Variants in PRKCE observed in about 807,000 individuals in gnomAD.
PRKCE encodes the protein protein kinase C epsilon.
Under a neutral mutation model 85.4 loss-of-function variants are expected in PRKCE, and 16 were observed. The observed-to-expected ratio is 0.19, with a 90% CI of 0.13 to 0.28. PRKCE has a LOEUF of 0.28. Ranked by LOEUF, PRKCE falls within the 10% of genes least tolerant of loss-of-function variation. The pLI is 1.00. For missense variants in PRKCE, 573 were observed against 975.2 expected (o/e 0.59, Z 5.49); for synonymous variants, 388 against 371.5 (o/e 1.04, Z -0.51).
At chr2:45,931,817 G>C (rs532132852) in intron 2 of PRKCE, among the ~76,000 whole-genome samples, 1 of 151,920 alleles carries the variant, frequency 6.6e-6, no homozygotes, top group Non-Finnish European at 1.5e-5. Context: ...AGCGATTCTC[G>C]TGCCTCAGCC....
intron 11 of PRKCE, among the ~76,000 whole-genome samples, chr2:46,088,129 C>G (rs1669817907): frequency 6.6e-6 from 1 of 152,196 alleles, no homozygotes; most frequent in Non-Finnish European, 1.5e-5. Context: ...GTCACAGGCT[C>G]CACCTTACTC....
intron 10 of PRKCE, among the ~76,000 whole-genome samples, chr2:46,043,442 A>C (rs1383506460): frequency 3.3e-5 from 5 of 152,208 alleles, no homozygotes; most frequent in African/African-American, 9.7e-5. Flanking sequence ...TGAAATACCC[A>C]TTGATATCTT....
At chr2:45,754,005 TGAG>T (rs1683799957) in intron 1 of PRKCE, among the ~76,000 whole-genome samples, 1 of 152,242 alleles carries the variant, frequency 6.6e-6, no homozygotes, top group Non-Finnish European at 1.5e-5. Context: ...TGCAGTTGAA[TGAG>T]GAGATGAACA....
At chr2:45,717,282 C>G (rs1269011125) in intron 1 of PRKCE, among the ~76,000 whole-genome samples, 1 of 152,198 alleles carries the variant, frequency 6.6e-6, no homozygotes, top group Non-Finnish European at 1.5e-5. Flanking sequence ...TCTGTCAAGT[C>G]TGTTTGGACC....
rs993285811 is a variant in PRKCE at position 45,697,962 on chromosome 2, C to G, written c.348+45514C>G. 1 of 152,688 alleles carries G rather than the reference C, an allele frequency of 6.5e-6. No individual in the cohort carries two copies. Among genetic ancestry groups the G allele is most frequent in the Middle Eastern group, 3.4e-3 (1 of 294 alleles). The allele number at this position is 152,688 out of a possible 1,614,324, so 9.5% of individuals were successfully genotyped here. ...CTAGACAGGGTGAATGGAAAGCAGC[C>G]CTTTGACAGAAGAAAGACAGAGACC... On this transcript the variant is annotated intron_variant, in intron 1 of 14. Transcript: ENST00000306156. This position sits in a 1 kb window ranked among gnomAD's most constrained non-coding sequence, Gnocchi z 4.2.
intron 1 of PRKCE, among the ~76,000 whole-genome samples, chr2:45,666,595 A>G (rs917522920): frequency 6.6e-6 from 1 of 151,728 alleles, no homozygotes; most frequent in Admixed American, 6.6e-5. Context: ...CAGCCATCCA[A>G]ATCCCCTTCT....
chr2:45,836,274 T>A (rs988330696), intron 1 of PRKCE, among the ~76,000 whole-genome samples: 1 of 152,228 alleles, frequency 6.6e-6, no homozygotes, highest in Admixed American at 6.5e-5. Flanking sequence ...GCCCCTCCCC[T>A]TATTTTATGA....
At chr2:46,097,519 C>CAAAAAAAAAAAAAAA (rs66634467) in intron 11 of PRKCE, among the ~76,000 whole-genome samples, 9 of 94,118 alleles carry the variant, frequency 9.6e-5, no homozygotes, top group South Asian at 8.1e-4. Flanking sequence ...GACTCCGTCT[C>CAAAAAAAAAAAAAAA]AAAAAAAAAA....
chr2:46,156,143 A>G (rs1397776467), intron 13 of PRKCE, among the ~76,000 whole-genome samples: 4 of 150,018 alleles, frequency 2.7e-5, no homozygotes, highest in Non-Finnish European at 5.9e-5. Flanking sequence ...TTAGATAAAG[A>G]CCTTCTCTTC....
chr2:45,855,442 C>G (rs1297053734), intron 2 of PRKCE, among the ~76,000 whole-genome samples: 4 of 152,126 alleles, frequency 2.6e-5, no homozygotes, highest in Non-Finnish European at 5.9e-5. Flanking sequence ...GAATGAACCC[C>G]CAATTGTGTG....
chr2:46,141,680 TC>T (rs1276556293), intron 11 of PRKCE, among the ~76,000 whole-genome samples: 1 of 151,502 alleles, frequency 6.6e-6, no homozygotes, highest in Non-Finnish European at 1.5e-5. Context: ...TGCTGGATTT[TC>T]CCCCCTCTAT....
chr2:45,995,306 G>C (rs1014635859), intron 6 of PRKCE, among the ~76,000 whole-genome samples: 2 of 151,956 alleles, frequency 1.3e-5, no homozygotes, highest in Non-Finnish European at 1.5e-5. Context: ...GTTTGTTTTA[G>C]TTTGGGGAGG....
intron 1 of PRKCE, among the ~76,000 whole-genome samples, chr2:45,805,895 A>T (rs1307846959): frequency 6.6e-6 from 1 of 152,178 alleles, no homozygotes; most frequent in Non-Finnish European, 1.5e-5. Context: ...CACCGCACCC[A>T]GCCTACATTA....
chr2:45,904,079 T>G lies in PRKCE; in HGVS notation c.412+61016T>G, dbSNP rs558982624. On this transcript the variant is annotated intron_variant, in intron 2 of 14. Coordinates refer to ENST00000306156, the MANE Select transcript of PRKCE (RefSeq NM_005400.3). ...CTACCACACCCAGGTAATTTTTGTA[T>G]TTTTAGTAGAGACAGGGTTTTGCTA... Among the ~76,000 whole-genome samples the G allele has an allele frequency of 9.3e-4, 142 of 152,104 alleles. 4 individuals are homozygous for G. The South Asian group carries it at 0.028, about 30-fold the overall frequency.
chr2:46,021,591 A>G (rs1354499751), intron 10 of PRKCE, among the ~76,000 whole-genome samples: 1 of 152,108 alleles, frequency 6.6e-6, no homozygotes, highest in Non-Finnish European at 1.5e-5. Flanking sequence ...GATTAGAAAC[A>G]AGAACTTAAG....
Position 46,014,579 on chromosome 2 carries a change from A to G in PRKCE, c.1437+4062A>G, listed in dbSNP as rs571198758. Among the ~76,000 whole-genome samples the G allele has an allele frequency of 6.6e-5, 10 of 152,338 alleles. No homozygotes were observed. In the South Asian group the frequency reaches 2.1e-3, roughly 32 times the overall value. ...GCATATGAGAAAAAAAATTTTTTAT[A>G]CATCCACAGTTGTTTCTTGCTATAA... On this transcript the variant is annotated intron_variant, in intron 10 of 14. Transcript: ENST00000306156.
intron 11 of PRKCE, among the ~76,000 whole-genome samples, chr2:46,097,734 C>T (rs1227506985): frequency 6.6e-6 from 1 of 152,154 alleles, no homozygotes; most frequent in Non-Finnish European, 1.5e-5. Flanking sequence ...GAGCTTGTCC[C>T]CTACTAAAGG....
At chr2:45,778,152 T>G (rs1048988865) in intron 1 of PRKCE, among the ~76,000 whole-genome samples, 2 of 152,096 alleles carry the variant, frequency 1.3e-5, no homozygotes, top group Admixed American at 1.3e-4. Context: ...CCCAAGTCCC[T>G]GGGGTTGGTG....
At position 46,007,528 on chromosome 2, in the gene PRKCE, G is replaced by A. The variant is rs774543192; in HGVS notation, c.1130G>A (p.Arg377Gln). The A allele has an allele frequency of 3.8e-5, 60 of 1,599,654 alleles. No homozygotes were observed. The highest frequency in any genetic ancestry group is 4.5e-5 in the East Asian group (2 of 44,884). Residue 377 changes from arginine to glutamine, a missense_variant, in exon 9 of 15, where the codon CGG (arginine) becomes CAG (glutamine). Physicochemically the swap from Arg to Gln is conservative, Grantham distance 43. Transcript: ENST00000306156. ...LSFDNRGEEH[R>Q]AASSPDGQLM... is the part of the protein sequence containing the mutation. ...TTTGACAACCGAGGAGAGGAGCACC[G>A]GGCAGCATCGTCTCCTGATGGCCAG...
Sources: allele counts gnomAD v4.1 joint callset (sites outside exome capture counted in the v4.1 genomes callset), GRCh38; gene constraint gnomAD v4.1.1; non-coding constraint Gnocchi (gnomAD v3.1); transcripts MANE v1.5; gene names NCBI Gene and HGNC (gene_info 2026-07-23, HGNC 2026-07-21).